ASPG: variants seen among roughly 807,000 people sequenced by gnomAD.
ASPG encodes 60 kDa lysophospholipase.
A neutral mutation model predicts 63.2 loss-of-function variants in ASPG; 53 were observed. The ratio of observed to expected loss-of-function variants is 0.84; its 90% confidence interval spans 0.67 to 1.05. ASPG has a LOEUF of 1.05. Ranked by LOEUF, ASPG falls within the 50% of genes least tolerant of loss-of-function variation. The pLI is 0.00. For synonymous variants in ASPG, 370 were observed against 355.0 expected, an observed-to-expected ratio of 1.04 and a Z score of -0.48; for missense variants, 741 against 794.4, an observed-to-expected ratio of 0.93 and a Z score of 0.81.
At chr14:104,086,542 G>T (rs1328597867) in intron 1 of ASPG, among the ~76,000 whole-genome samples, 1 of 152,156 alleles carries the variant, frequency 6.6e-6, no homozygotes, top group Non-Finnish European at 1.5e-5. Context: ...CTGGGCACAG[G>T]AAGGATGGTA....
At position 104,091,231 on chromosome 14, in the gene ASPG, G is replaced by A. The variant is rs1034458892; in HGVS notation, c.83-1402G>A. ...CATGAGACAGGGACACTTGGACACC[G>A]GTGTGGGGTGGACCCTGAGCCCCCT... On this transcript the variant is annotated intron_variant, in intron 1 of 15. Transcript: ENST00000551177. This position sits in a 1 kb window ranked among gnomAD's most constrained non-coding sequence, Gnocchi z 6.4. 5.3e-5 allele frequency among the ~76,000 whole-genome samples: 8 copies of A among 151,828 alleles called. No individual in the cohort carries two copies. The highest frequency in any genetic ancestry group is 1.9e-4 in the African/African-American group (8 of 41,294).
chr14:104,101,850 G>A (rs889412925), intron 6 of ASPG, among the ~76,000 whole-genome samples: 3 of 152,180 alleles, frequency 2.0e-5, no homozygotes, highest in African/African-American at 7.2e-5. Context: ...CTGAGCTCCC[G>A]TATCTGTAGA....
intron 1 of ASPG, among the ~76,000 whole-genome samples, chr14:104,087,181 C>T (rs2036244021): frequency 6.6e-6 from 1 of 152,222 alleles, no homozygotes. Flanking sequence ...ACTCAGGTCC[C>T]CAAGAACGTG....
intron 6 of ASPG, among the ~76,000 whole-genome samples, chr14:104,099,710 G>A (rs1156691091): frequency 1.3e-5 from 2 of 152,216 alleles, no homozygotes; most frequent in African/African-American, 4.8e-5. Flanking sequence ...CCTCCCTGAG[G>A]CAGCGGGAGC....
At position 104,109,629 on chromosome 14, in the gene ASPG, G is replaced by C. The variant is rs1352953257; in HGVS notation, c.1520+314G>C. 1.4e-5 allele frequency among the ~76,000 whole-genome samples: 2 copies of C among 146,204 alleles called. No homozygotes were observed. The highest frequency in any genetic ancestry group is 4.1e-4 in the East Asian group (2 of 4,858). On this transcript the variant is annotated intron_variant, in intron 13 of 15. Transcript: ENST00000551177. This position sits in a 1 kb window ranked among gnomAD's most constrained non-coding sequence, Gnocchi z 4.8. ...GTGTGTGTGGTGGGCTTGAGGAGGG[G>C]TATGGGAATTGGTTGTCGGGTGTGA...
chr14:104,097,532 T>G, intron 4 of ASPG, 22 bp from the exon 5 acceptor site: 1 of 1,547,540 alleles, frequency 6.5e-7, no homozygotes, highest in Non-Finnish European at 8.7e-7. Context: ...AGGCCTCAGC[T>G]ACTCCGTGGC....
intron 1 of ASPG, among the ~76,000 whole-genome samples, chr14:104,089,467 C>T (rs1350789276): frequency 1.3e-5 from 2 of 151,858 alleles, no homozygotes; most frequent in East Asian, 2.0e-4. Flanking sequence ...TGCAGTGAGC[C>T]GAGATCTCGC....
intron 10 of ASPG, among the ~76,000 whole-genome samples, chr14:104,106,283 G>C (rs1224165616): frequency 6.6e-6 from 1 of 152,206 alleles, no homozygotes; most frequent in Non-Finnish European, 1.5e-5. Flanking sequence ...GGACCGCTGG[G>C]TGTGGTGGCC....
intron 4 of ASPG, among the ~76,000 whole-genome samples, chr14:104,096,736 C>G (rs1857633491): frequency 6.6e-6 from 1 of 152,212 alleles, no homozygotes; most frequent in Admixed American, 6.5e-5. Flanking sequence ...CCCTGTTATA[C>G]CTGTGGGGAA....
intron 1 of ASPG, among the ~76,000 whole-genome samples, chr14:104,086,376 G>A (rs1487942165): frequency 6.6e-6 from 1 of 152,202 alleles, no homozygotes; most frequent in Non-Finnish European, 1.5e-5. Flanking sequence ...GTTCACACCC[G>A]AGGTGGCCTC....
rs1209563238 is a variant in ASPG, at chr14:104,112,915, T to C, written c.*371T>C. On this transcript the variant is annotated 3_prime_UTR_variant, in exon 16 of 16. Transcript: ENST00000551177. ...GTCCTTTCCCAGCTGCCACTCCCCC[T>C]TCCTGCCACCCTGCCTTTGCCCAGG... 2.2e-5 allele frequency: 7 copies of C among 318,812 alleles called. No homozygotes were observed. Among genetic ancestry groups the C allele is most frequent in the Non-Finnish European group, 3.0e-5 (5 of 165,486 alleles). The allele number at this position is 318,812 out of a possible 1,614,324, so 19.7% of individuals were successfully genotyped here.
At chr14:104,093,154 G>A in intron 2 of ASPG, 2 of 501,316 alleles carry the variant, frequency 4.0e-6, no homozygotes, top group South Asian at 2.2e-5. Context: ...TTGCCCTCGT[G>A]GTGGCTGACC....
rs1221024744 is a variant in ASPG, at chr14:104,111,621, G to A, written c.1620+20G>A. 6.5e-6 allele frequency: 10 copies of A among 1,545,228 alleles called. No homozygotes were observed. The highest frequency in any genetic ancestry group is 8.7e-6 in the Non-Finnish European group (10 of 1,143,322). Reference sequence around the variant, plus strand: ...CACGTCGTGAGTGCCCCCACCCCCTGCACCCTCTCCAAAGGCTGCCACCTC... The same window carrying A: ...CACGTCGTGAGTGCCCCCACCCCCTACACCCTCTCCAAAGGCTGCCACCTC... On this transcript the variant is annotated intron_variant, in intron 14 of 15. Coordinates refer to ENST00000551177, the MANE Select transcript of ASPG (RefSeq NM_001080464.3).
In ASPG at chr14:104,112,606, T is replaced by C; in HGVS notation, c.*62T>C. 6.3e-7 allele frequency: 1 copy of C among 1,591,128 alleles called. No homozygotes were observed. Among genetic ancestry groups the C allele is most frequent in the Non-Finnish European group, 8.5e-7 (1 of 1,172,198 alleles). On this transcript the variant is annotated 3_prime_UTR_variant, in exon 16 of 16. Transcript: ENST00000551177. Reference sequence around the variant, plus strand: ...CCTCCCATGACCTGCTGGAGGGGTCTCAGGCATGACCCCACTGCTGGGGCT... The same window carrying C: ...CCTCCCATGACCTGCTGGAGGGGTCCCAGGCATGACCCCACTGCTGGGGCT...
chr14:104,105,279 TGCCCATCCAGCCCTGGCAGA>T, intron 9 of ASPG, 29 bp from the exon 10 acceptor site: 1 of 1,612,414 alleles, frequency 6.2e-7, no homozygotes, highest in Non-Finnish European at 8.5e-7. Flanking sequence ...TGTCCTGGGC[TGCCCATCCAGCCCTGGCAGA>T]GCCACTTCAC....
At chr14:104,104,278 C>G in intron 7 of ASPG, 26 bp from the exon 8 acceptor site, 1 of 1,598,210 alleles carries the variant, frequency 6.3e-7, no homozygotes, top group Non-Finnish European at 8.5e-7. Flanking sequence ...CCCTCACCAT[C>G]CAGCCCCCAC....
Position 104,104,237 on chromosome 14 carries a change from G to C in ASPG, c.754-67G>C, listed in dbSNP as rs2037012765. Reference sequence around the variant, plus strand: ...GGGTCCCTCTCCTTGGGAGGGCATGGGGCGAGTCTCAGTGGTGCTGAGGGC... The same window carrying C: ...GGGTCCCTCTCCTTGGGAGGGCATGCGGCGAGTCTCAGTGGTGCTGAGGGC... On this transcript the variant is annotated intron_variant, in intron 7 of 15. Transcript: ENST00000551177. 2.6e-6 allele frequency: 4 copies of C among 1,517,196 alleles called. No homozygotes were observed. In the South Asian group the frequency reaches 5.1e-5, roughly 19 times the overall value. The allele number at this position is 1,517,196 out of a possible 1,614,324, so 94.0% of individuals were successfully genotyped here.
intron 1 of ASPG, among the ~76,000 whole-genome samples, chr14:104,087,041 C>G (rs1272077657): frequency 1.3e-5 from 2 of 151,610 alleles, no homozygotes; most frequent in South Asian, 2.1e-4. Flanking sequence ...AGTGGCTGCT[C>G]AGAAGCCACC....
intron 11 of ASPG, 109 bp downstream of exon 11, chr14:104,107,003 T>C: frequency 7.6e-7 from 1 of 1,323,494 alleles, no homozygotes; most frequent in East Asian, 2.5e-5. Flanking sequence ...CACTAAGCCC[T>C]TGTCAGCCAG....
Sources: gnomAD v4.1 joint callset for allele counts (sites outside exome capture counted in the v4.1 genomes callset) on GRCh38, gnomAD v4.1.1 for gene constraint, Gnocchi (gnomAD v3.1) non-coding constraint, MANE v1.5 for transcripts, NCBI Gene and HGNC (gene_info 2026-07-23, HGNC 2026-07-21) for gene names.